The following ANGPTL2 variants were observed in gnomAD, a reference collection of about 807,000 sequenced individuals.
ANGPTL2 encodes angiopoietin-related protein 2.
In ANGPTL2, 25 loss-of-function variants were observed where a neutral mutation model predicts 52.8. That is an observed-to-expected ratio of 0.47 (90% CI 0.35 to 0.66). The LOEUF is 0.66. Ranked by LOEUF, ANGPTL2 falls within the 30% of genes least tolerant of loss-of-function variation. The probability of loss-of-function intolerance (pLI) is 0.01; values close to 1 mark genes in which losing one functional copy is unlikely to be tolerated. For missense variants in ANGPTL2, 546 were observed against 656.9 expected, an observed-to-expected ratio of 0.83 and a Z score of 1.84; for synonymous variants, 276 against 277.4, an observed-to-expected ratio of 1.00 and a Z score of 0.05.
intron 2 of ANGPTL2, among the ~76,000 whole-genome samples, chr9:127,102,309 G>A (rs1389613793): frequency 6.6e-6 from 1 of 150,712 alleles, no homozygotes. Context: ...GCATTTGTAT[G>A]AGGCTAACTT....
intron 1 of ANGPTL2, among the ~76,000 whole-genome samples, chr9:127,121,347 A>T (rs781587353): frequency 3.3e-5 from 5 of 152,248 alleles, no homozygotes; most frequent in Non-Finnish European, 7.3e-5. Flanking sequence ...AAGCCAGCTC[A>T]TGAGGACTGC....
chr9:127,116,901 C>T (rs1220338618), intron 1 of ANGPTL2, among the ~76,000 whole-genome samples: 1 of 152,194 alleles, frequency 6.6e-6, no homozygotes, highest in Non-Finnish European at 1.5e-5. Flanking sequence ...TGGAGCTGGG[C>T]CCAGTAACAG....
At position 127,088,900 on chromosome 9, in the gene ANGPTL2, C is replaced by T. The variant is rs373397251; in HGVS notation, c.*39G>A. 1 of 1,613,152 alleles carries T rather than the reference C, an allele frequency of 6.2e-7. No individual in the cohort carries two copies. The highest frequency in any genetic ancestry group is 8.5e-7 in the Non-Finnish European group (1 of 1,179,302). Reference sequence around the variant, plus strand: ...GTGGCCAGCGTGACCAGGGTGGGCTCCTGGCAATGGCCACGAGAGGTCAGG... The same window carrying T: ...GTGGCCAGCGTGACCAGGGTGGGCTTCTGGCAATGGCCACGAGAGGTCAGG... On this transcript the variant is annotated 3_prime_UTR_variant, in exon 5 of 5. Transcript: ENST00000373425.
chr9:127,110,639 T>TCC (rs1329890687), intron 1 of ANGPTL2, among the ~76,000 whole-genome samples: 1 of 152,206 alleles, frequency 6.6e-6, no homozygotes, highest in African/African-American at 2.4e-5. Flanking sequence ...AACTCGTTTT[T>TCC]CCCCGTATCT....
In ANGPTL2 at chr9:127,091,013, T is replaced by C. The variant is rs2052404321; in HGVS notation, c.1282+657A>G. On this transcript the variant is annotated intron_variant, in intron 4 of 4. Coordinates refer to ENST00000373425, the MANE Select transcript of ANGPTL2 (RefSeq NM_012098.3). The surrounding 1 kb of genome is among the most constrained non-coding windows in gnomAD (Gnocchi z 4.3). ...GTGATCTTAGACAAATCACTTTCTC[T>C]CTCCTATCTGCTTTCCTCTTAATAG... Among the ~76,000 whole-genome samples, 1 of 152,208 alleles carries C rather than the reference T, an allele frequency of 6.6e-6. No individual in the cohort carries two copies. The highest frequency in any genetic ancestry group is 2.1e-4 in the South Asian group (1 of 4,830).
Position 127,108,408 on chromosome 9 carries a change from C to G in ANGPTL2, c.324G>C (p.Gln108His). 1.2e-6 allele frequency: 2 copies of G among 1,608,964 alleles called. No homozygotes were observed. Among genetic ancestry groups the G allele is most frequent in the East Asian group, 2.2e-5 (1 of 44,714 alleles). The change falls in exon 2 of 5, where the codon CAG becomes CAC. Residue 108 changes from glutamine (Q) to histidine (H), a missense_variant. Gln to His is a conservative substitution (Grantham distance 24). This residue lies in a region of ANGPTL2 where 285 missense variants were observed against 295.8 expected (regional missense o/e 0.96). Coordinates refer to ENST00000373425, the MANE Select transcript of ANGPTL2 (RefSeq NM_012098.3). ...KQKRQIETLQ[Q>H]LVEVDGGIVS... is the part of the protein sequence containing the mutation. ...CAATGCCGCCGTCCACCTCCACCAGCTGCTGCAGCGTCTCGATCTGCCGCT... is the reference window on the plus strand; with the variant it reads ...CAATGCCGCCGTCCACCTCCACCAGGTGCTGCAGCGTCTCGATCTGCCGCT...
chr9:127,092,205 C>T (rs2052572208), intron 3 of ANGPTL2, among the ~76,000 whole-genome samples: 1 of 152,222 alleles, frequency 6.6e-6, no homozygotes, highest in Admixed American at 6.5e-5. Context: ...ATTACCTTCC[C>T]CACAGGCTTG....
At chr9:127,120,406 G>GC (rs1363041094) in intron 1 of ANGPTL2, among the ~76,000 whole-genome samples, 5 of 152,122 alleles carry the variant, frequency 3.3e-5, no homozygotes. Flanking sequence ...CAGACATAAA[G>GC]CCCCCCTCTC....
At chr9:127,112,951 G>A (rs1225302672) in intron 1 of ANGPTL2, among the ~76,000 whole-genome samples, 2 of 152,204 alleles carry the variant, frequency 1.3e-5, no homozygotes, top group Non-Finnish European at 2.9e-5. Context: ...TCTAGGCTGA[G>A]GAAACTGAAG....
In ANGPTL2 at chr9:127,108,522, G is replaced by C. The variant is rs376334260; in HGVS notation, c.210C>G (p.Cys70Trp). ...GCACCTCAGGCTCCTTGGAGTTGAC[G>C]CAGATGGCACCCGTGACCCGCTGCT... ...VPQQRVTGAI[C>W]VNSKEPEVLL... The change falls in exon 2 of 5, where the codon TGC becomes TGG. Residue 70 changes from cysteine (C) to tryptophan (W), a missense_variant. Coordinates refer to ENST00000373425, the MANE Select transcript of ANGPTL2 (RefSeq NM_012098.3). The C allele has an allele frequency of 1.2e-6, 2 of 1,613,028 alleles. No homozygotes were observed. Among genetic ancestry groups the C allele is most frequent in the Non-Finnish European group, 8.5e-7 (1 of 1,179,754 alleles).
chr9:127,101,820 G>A (rs1020825411), intron 2 of ANGPTL2, among the ~76,000 whole-genome samples: 2 of 152,074 alleles, frequency 1.3e-5, no homozygotes, highest in Non-Finnish European at 2.9e-5. Context: ...CATTTATAAC[G>A]TAAACAAATT....
chr9:127,103,737 T>C (rs1452909366), intron 2 of ANGPTL2, among the ~76,000 whole-genome samples: 2 of 152,138 alleles, frequency 1.3e-5, no homozygotes, highest in Non-Finnish European at 2.9e-5. Flanking sequence ...TTCCCAGAGC[T>C]CATTTTAAGG....
chr9:127,105,932 T>C (rs1169095815), intron 2 of ANGPTL2, among the ~76,000 whole-genome samples: 1 of 152,232 alleles, frequency 6.6e-6, no homozygotes, highest in East Asian at 1.9e-4. Context: ...CATGCTTGAT[T>C]GTATTGTATC....
rs751476494 is a variant in ANGPTL2, at chr9:127,094,828, C to T, written c.818-902G>A. ...GGTTCTGTGATTCTTTGTGACTGCA[C>T]TGAGCTTGGGCAGCCCAGTCAGAAG... On this transcript the variant is annotated intron_variant, in intron 2 of 4. Coordinates refer to ENST00000373425, the MANE Select transcript of ANGPTL2 (RefSeq NM_012098.3). 2.7e-4 allele frequency among the ~76,000 whole-genome samples: 41 copies of T among 152,212 alleles called. 1 individual carries two copies. Among genetic ancestry groups the T allele is most frequent in the Non-Finnish European group, 2.4e-4 (16 of 68,040 alleles).
intron 2 of ANGPTL2, among the ~76,000 whole-genome samples, chr9:127,101,447 C>T (rs1328412035): frequency 6.6e-6 from 1 of 152,228 alleles, no homozygotes; most frequent in Non-Finnish European, 1.5e-5. Context: ...CCATGAGTCC[C>T]TCAATGCTCT....
rs1459432517 is a variant in ANGPTL2 at position 127,087,669 on chromosome 9, A to G, written c.*1270T>C. On this transcript the variant is annotated 3_prime_UTR_variant, in exon 5 of 5. Coordinates refer to ENST00000373425, the MANE Select transcript of ANGPTL2 (RefSeq NM_012098.3). ...GAAAGCCACCATGCTGCAGTGCATC[A>G]ACCAAGGGGTCCGGTGACCCCTGAT... is the stretch of plus-strand genomic sequence containing the variant. 4.6e-5 allele frequency: 7 copies of G among 152,300 alleles called. No homozygotes were observed. Among genetic ancestry groups the G allele is most frequent in the Non-Finnish European group, 7.3e-5 (5 of 68,046 alleles). 9.4% of individuals were successfully genotyped at this position (152,300 alleles called of 1,614,324 possible).
intron 2 of ANGPTL2, among the ~76,000 whole-genome samples, chr9:127,103,131 A>G (rs1335288674): frequency 6.6e-6 from 1 of 152,262 alleles, no homozygotes; most frequent in Non-Finnish European, 1.5e-5. Flanking sequence ...CTTGACCTCC[A>G]GAAAGAATGG....
intron 1 of ANGPTL2, among the ~76,000 whole-genome samples, chr9:127,110,020 C>T (rs1322835700): frequency 1.3e-5 from 2 of 152,214 alleles, no homozygotes; most frequent in African/African-American, 2.4e-5. Flanking sequence ...TATAATCATA[C>T]GGTTTTTTCT....
chr9:127,108,871 C>A, intron 1 of ANGPTL2, 91 bp from the exon 2 acceptor site: 1 of 930,628 alleles, frequency 1.1e-6, no homozygotes, highest in Non-Finnish European at 1.6e-6. Flanking sequence ...GCCAGGCAGG[C>A]AGAGCTTTCC....
Sources: gnomAD v4.1 joint callset for allele counts (sites outside exome capture counted in the v4.1 genomes callset) on GRCh38, gnomAD v4.1.1 for gene constraint, gnomAD v4.1.1 regional missense constraint, Gnocchi (gnomAD v3.1) non-coding constraint, MANE v1.5 for transcripts, NCBI Gene and HGNC (gene_info 2026-07-23, HGNC 2026-07-21) for gene names.